The following CNTNAP5 variants were observed in gnomAD, a reference collection of about 807,000 sequenced individuals.
The protein encoded by CNTNAP5 is contactin associated protein family member 5.
CNTNAP5 carries 72 observed loss-of-function variants against 150.2 expected under a neutral mutation model. That is an observed-to-expected ratio of 0.48 (90% CI 0.40 to 0.58). The LOEUF (loss-of-function observed/expected upper bound fraction) is 0.58. Ranked by LOEUF, CNTNAP5 falls within the 20% of genes least tolerant of loss-of-function variation. The pLI, the probability that CNTNAP5 is intolerant of heterozygous loss-of-function variation, is 0.00. For missense variants in CNTNAP5, 1,636 were observed against 1,626.2 expected, an observed-to-expected ratio of 1.01 and a Z score of -0.10; for synonymous variants, 672 against 619.8, an observed-to-expected ratio of 1.08 and a Z score of -1.25.
chr2:124,498,750 GC>G (rs1442331932), intron 7 of CNTNAP5, among the ~76,000 whole-genome samples: 1 of 152,140 alleles, frequency 6.6e-6, no homozygotes, highest in Non-Finnish European at 1.5e-5. Flanking sequence ...CCTCTTTAGA[GC>G]CTGCATCATT....
intron 3 of CNTNAP5, among the ~76,000 whole-genome samples, chr2:124,346,337 T>A (rs1219857471): frequency 6.6e-6 from 1 of 152,232 alleles, no homozygotes; most frequent in Non-Finnish European, 1.5e-5. Context: ...TACTCTGGTT[T>A]ATTTTTTATT....
chr2:124,080,874 C>G (rs1327138524), intron 1 of CNTNAP5, among the ~76,000 whole-genome samples: 1 of 152,042 alleles, frequency 6.6e-6, no homozygotes, highest in Non-Finnish European at 1.5e-5. Context: ...AGGAGAAGAT[C>G]AAGAGAATGC....
chr2:124,165,610 C>T (rs545158558), intron 1 of CNTNAP5, among the ~76,000 whole-genome samples: 3 of 152,218 alleles, frequency 2.0e-5, no homozygotes, highest in South Asian at 2.1e-4. Context: ...TCCCCTGCTC[C>T]AAGCACATGA....
chr2:124,522,974 T>G (rs1370795209), intron 8 of CNTNAP5, among the ~76,000 whole-genome samples: 1 of 152,176 alleles, frequency 6.6e-6, no homozygotes, highest in African/African-American at 2.4e-5. Context: ...AGAGGTGGTG[T>G]TGTTTGCTTA....
Position 124,573,678 on chromosome 2 carries a change from T to G in CNTNAP5, c.1756+10355T>G, listed in dbSNP as rs1696214911. On this transcript the variant is annotated intron_variant, in intron 11 of 23. Coordinates refer to ENST00000682447, the MANE Select transcript of CNTNAP5 (RefSeq NM_001367498.1). ...TAATTGCCAGAAAAATACAAAGCTC[T>G]AGTATGTCCCATGAGTAAGAAGTTA... Among the ~76,000 whole-genome samples the G allele has an allele frequency of 2.6e-5, 4 of 152,324 alleles. 1 individual carries two copies. The highest frequency in any genetic ancestry group is 9.6e-5 in the African/African-American group (4 of 41,578).
chr2:124,793,792 C>A lies in CNTNAP5; in HGVS notation c.2992+3651C>A, dbSNP rs1268863855. 2.6e-5 allele frequency among the ~76,000 whole-genome samples: 4 copies of A among 152,022 alleles called. No individual in the cohort carries two copies. The East Asian group carries it at 7.7e-4, about 29-fold the overall frequency. ...GTGTGTTTGTTGTTAGCTCTCTTAT[C>A]CCCCCTACACACACACCATTAATAA... is the stretch of plus-strand genomic sequence containing the variant. On this transcript the variant is annotated intron_variant, in intron 18 of 23. Coordinates refer to ENST00000682447, the MANE Select transcript of CNTNAP5 (RefSeq NM_001367498.1).
rs960949890 is a variant in CNTNAP5, at chr2:124,280,954, G to A, written c.381+38561G>A. On this transcript the variant is annotated intron_variant, in intron 3 of 23. Transcript: ENST00000682447. ...ATTCATTAAGCTGTTTCTCTAAATA[G>A]GATACCAAGATATTTCTTCTACTGC... 2.6e-5 allele frequency among the ~76,000 whole-genome samples: 4 copies of A among 152,134 alleles called. No individual in the cohort carries two copies. In the East Asian group the frequency reaches 7.7e-4, roughly 29 times the overall value.
At chr2:124,712,044 G>A (rs1290632318) in intron 13 of CNTNAP5, among the ~76,000 whole-genome samples, 1 of 152,130 alleles carries the variant, frequency 6.6e-6, no homozygotes, top group Non-Finnish European at 1.5e-5. Flanking sequence ...TAAGTTCTTG[G>A]CCTGATATCC....
At chr2:124,157,988 A>G (rs1456687888) in intron 1 of CNTNAP5, among the ~76,000 whole-genome samples, 1 of 152,202 alleles carries the variant, frequency 6.6e-6, no homozygotes, top group African/African-American at 2.4e-5. Context: ...GGACAGCCAT[A>G]ACTCTGTTCA....
intron 13 of CNTNAP5, among the ~76,000 whole-genome samples, chr2:124,670,175 T>TTCCTTCCTTCCTC (rs1678787920): frequency 7.3e-6 from 1 of 136,396 alleles, no homozygotes; most frequent in Non-Finnish European, 1.6e-5. Context: ...CTTCCTTCCT[T>TTCCTTCCTTCCTC]CCTCCCTCTC....
intron 1 of CNTNAP5, among the ~76,000 whole-genome samples, chr2:124,211,639 G>T (rs1347000955): frequency 6.6e-6 from 1 of 152,070 alleles, no homozygotes; most frequent in Non-Finnish European, 1.5e-5. Flanking sequence ...GTCAATGTTT[G>T]TTCAAATTAT....
rs148270934 is a variant in CNTNAP5, at chr2:124,781,896, G to C, written c.2753-8006G>C. On this transcript the variant is annotated intron_variant, in intron 17 of 23. Transcript: ENST00000682447. ...CAAAAACATGGGGGTGGGGGTTACT[G>C]TCAGGATGAGGTTGTTGCCCTGAAG... Among the ~76,000 whole-genome samples the C allele has an allele frequency of 3.8e-3, 586 of 152,280 alleles. 3 individuals carry two copies. Among genetic ancestry groups the C allele is most frequent in the African/African-American group, 0.011 (477 of 41,544 alleles).
At chr2:124,321,322 A>G (rs1689093640) in intron 3 of CNTNAP5, among the ~76,000 whole-genome samples, 1 of 152,018 alleles carries the variant, frequency 6.6e-6, no homozygotes, top group African/African-American at 2.4e-5. Flanking sequence ...ACATATCTGT[A>G]ATCCCACCTA....
chr2:124,903,241 G>T (rs1306779946), intron 22 of CNTNAP5, 141 bp downstream of exon 22: 5 of 528,170 alleles, frequency 9.5e-6, no homozygotes, highest in African/African-American at 5.7e-5. Flanking sequence ...AATTATGACT[G>T]ATATTTCATG....
chr2:124,743,811 T>C (rs1184269531), intron 13 of CNTNAP5, among the ~76,000 whole-genome samples: 2 of 152,188 alleles, frequency 1.3e-5, no homozygotes, highest in Non-Finnish European at 2.9e-5. Flanking sequence ...ACCTTCCTAT[T>C]GGAACATTTG....
At chr2:124,452,893 C>T (rs1574004519) in intron 6 of CNTNAP5, among the ~76,000 whole-genome samples, 1 of 152,134 alleles carries the variant, frequency 6.6e-6, no homozygotes, top group Admixed American at 6.5e-5. Flanking sequence ...GTGTCCCAGA[C>T]CTTCTCTTTC....
At chr2:124,583,818 C>T (rs923814672) in intron 11 of CNTNAP5, among the ~76,000 whole-genome samples, 1 of 152,140 alleles carries the variant, frequency 6.6e-6, no homozygotes, top group African/African-American at 2.4e-5. Flanking sequence ...TCTCTACCTT[C>T]TGGGTCAGGT....
chr2:124,897,642 T>C (rs896340892), intron 21 of CNTNAP5, among the ~76,000 whole-genome samples: 1 of 151,176 alleles, frequency 6.6e-6, no homozygotes, highest in Non-Finnish European at 1.5e-5. Flanking sequence ...GCTAGAGAAA[T>C]AAAATTGTGT....
intron 3 of CNTNAP5, among the ~76,000 whole-genome samples, chr2:124,264,784 G>A (rs1687562187): frequency 6.6e-6 from 1 of 152,166 alleles, no homozygotes; most frequent in South Asian, 2.1e-4. Context: ...CAGCAGCTCT[G>A]GTCATTCCTG....
Sources: allele counts gnomAD v4.1 joint callset (sites outside exome capture counted in the v4.1 genomes callset), GRCh38; gene constraint gnomAD v4.1.1; transcripts MANE v1.5; gene names NCBI Gene and HGNC (gene_info 2026-07-23, HGNC 2026-07-21).